The following MINK1 variants were observed in gnomAD, a reference collection of about 807,000 sequenced individuals.
The protein encoded by MINK1 is misshapen like kinase 1.
MINK1 carries 46 observed loss-of-function variants against 178.4 expected under a neutral mutation model. That is an observed-to-expected ratio of 0.26 (90% CI 0.20 to 0.33). The LOEUF is 0.33. Ranked by LOEUF, MINK1 falls within the 10% of genes least tolerant of loss-of-function variation. MINK1 has a pLI of 1.00. For missense variants in MINK1, 1,366 were observed against 1,814.9 expected (o/e 0.75, Z 4.49); for synonymous variants, 797 against 709.7 (o/e 1.12, Z -1.96).
In MINK1 at chr17:4,881,275, GCCCGCCTTCCCTC is replaced by G. The variant is rs747178537; in HGVS notation, c.306+24_306+36del. ...AGCTCTGGGTGAGAAACGCCCCCCT[GCCCGCCTTCCCTC>G]CCCGCAATCCCTGTCTCCGGGCTGT... On this transcript the variant is annotated intron_variant, in intron 4 of 31. Coordinates refer to ENST00000355280, the MANE Select transcript of MINK1 (RefSeq NM_153827.5). 5 of 1,535,734 alleles carry G rather than the reference GCCCGCCTTCCCTC, an allele frequency of 3.3e-6. No individual in the cohort carries two copies. The South Asian group carries it at 6.0e-5, about 18-fold the overall frequency.
At position 4,889,766 on chromosome 17, in the gene MINK1, A is replaced by G; in HGVS notation, c.1347+3A>G. 1 of 1,529,830 alleles carries G rather than the reference A, an allele frequency of 6.5e-7. No homozygotes were observed. The highest frequency in any genetic ancestry group is 8.8e-7 in the Non-Finnish European group (1 of 1,141,274). 94.8% of individuals were successfully genotyped at this position (1,529,830 alleles called of 1,614,324 possible). ...GGCGGCAGGCGGAGCGCGAGCAGGT[A>G]GAGCGCCGCACCCGCATCCCTGCCC... On this transcript the variant is annotated splice_donor_region_variant and intron_variant, in intron 13 of 31. Coordinates refer to ENST00000355280, the MANE Select transcript of MINK1 (RefSeq NM_153827.5).
chr17:4,894,058 C>G lies in MINK1; in HGVS notation c.2635C>G (p.Pro879Ala). ...HDVEEITGTQ[P>A]PYGGGTMVVQ... ...CGTCGAGGAGATCACCGGGACCCAG[C>G]CCCCATACGGGGGCGGCACCATGGT... Residue 879 changes from proline (P) to alanine (A), a missense_variant, in exon 22 of 32, where the codon CCC becomes GCC. Pro to Ala is a conservative substitution (Grantham distance 27). Coordinates refer to ENST00000355280, the MANE Select transcript of MINK1 (RefSeq NM_153827.5). This position sits in a 1 kb window ranked among gnomAD's most constrained non-coding sequence, Gnocchi z 4.1. 1 of 1,588,906 alleles carries G rather than the reference C, an allele frequency of 6.3e-7. No individual in the cohort carries two copies. The highest frequency in any genetic ancestry group is 1.1e-5 in the South Asian group (1 of 88,910).
intron 19 of MINK1, 28 bp downstream of exon 19, chr17:4,892,796 C>G: frequency 6.4e-7 from 1 of 1,570,274 alleles, no homozygotes; most frequent in South Asian, 1.2e-5. Context: ...GGGCAGCCTG[C>G]TCTGGGCCTG....
chr17:4,895,270 G>A lies in MINK1; in HGVS notation c.3085+28G>A, dbSNP rs201250471. The A allele has an allele frequency of 1.4e-4, 232 of 1,612,788 alleles. No homozygotes were observed. Among genetic ancestry groups the A allele is most frequent in the Non-Finnish European group, 1.8e-4 (215 of 1,179,080 alleles). ...AAGCCAGGGCAGGGACAGCTGAGGAGGCTCTGGCGTGGCTCTTGTGCTCCT... is the reference window on the plus strand; with the variant it reads ...AAGCCAGGGCAGGGACAGCTGAGGAAGCTCTGGCGTGGCTCTTGTGCTCCT... On this transcript the variant is annotated intron_variant, in intron 25 of 31. Transcript: ENST00000355280. The surrounding 1 kb of genome is among the most constrained non-coding windows in gnomAD (Gnocchi z 4.3).
chr17:4,888,710 T>C (rs550925184), intron 12 of MINK1, among the ~76,000 whole-genome samples: 4,942 of 103,870 alleles, frequency 0.048, 309 homozygotes, highest in African/African-American at 0.16. Context: ...TTTTTTTTTT[T>C]GAGATGGAGT....
chr17:4,858,867 A>G (rs540786829), intron 1 of MINK1, among the ~76,000 whole-genome samples: 6 of 152,316 alleles, frequency 3.9e-5, no homozygotes, highest in Admixed American at 6.5e-5. Context: ...TTTTGGAAGT[A>G]CAAGGAGCTA....
chr17:4,874,052 C>G (rs1432640237), intron 1 of MINK1, among the ~76,000 whole-genome samples: 2 of 152,210 alleles, frequency 1.3e-5, no homozygotes, highest in Non-Finnish European at 2.9e-5. Context: ...CATGCTCTTT[C>G]CACCACACCA....
rs1384973377 is a variant in MINK1 at position 4,884,346 on chromosome 17, C to T, written c.307-17C>T. ...CTGACTGATACTTTTCCTTTCGGTA[C>T]CTTCCTGGGATCCTAGCTGGTGATG... On this transcript the variant is annotated splice_polypyrimidine_tract_variant and intron_variant, in intron 4 of 31. Transcript: ENST00000355280. 1 of 1,607,992 alleles carries T rather than the reference C, an allele frequency of 6.2e-7. No homozygotes were observed. The highest frequency in any genetic ancestry group is 1.7e-5 in the Admixed American group (1 of 59,960).
intron 4 of MINK1, among the ~76,000 whole-genome samples, chr17:4,884,114 G>A (rs1218291790): frequency 1.3e-5 from 2 of 148,170 alleles, no homozygotes; most frequent in Admixed American, 6.8e-5. Flanking sequence ...TGATCCGCCT[G>A]CCTCAGCCTC....
intron 1 of MINK1, among the ~76,000 whole-genome samples, chr17:4,866,597 C>A (rs1412143907): frequency 7.2e-6 from 1 of 137,982 alleles, no homozygotes; most frequent in African/African-American, 2.7e-5. Context: ...CATAGTGAGA[C>A]CCTGATTCTA....
At position 4,836,167 on chromosome 17, in the gene MINK1, C is replaced by T. The variant is rs574870350; in HGVS notation, c.57+2527C>T. Among the ~76,000 whole-genome samples, 2 of 152,164 alleles carry T rather than the reference C, an allele frequency of 1.3e-5. No homozygotes were observed. The highest frequency in any genetic ancestry group is 2.9e-5 in the Non-Finnish European group (2 of 68,036). ...CAGTGAGAAATGGTGTCTCCCTTTA[C>T]TACACCATCTTGTGTTGGGGGCTGG... On this transcript the variant is annotated intron_variant, in intron 1 of 31. Transcript: ENST00000355280. The surrounding 1 kb of genome is among the most constrained non-coding windows in gnomAD (Gnocchi z 4.3).
At position 4,887,497 on chromosome 17, in the gene MINK1, C is replaced by A; in HGVS notation, c.1020-83C>A. On this transcript the variant is annotated intron_variant, in intron 11 of 31. Transcript: ENST00000355280. The surrounding 1 kb of genome is among the most constrained non-coding windows in gnomAD (Gnocchi z 7.6). ...CAGAGGCTTTGATCCAGTTAAAGCACCCACTCAGGCGGGCCCACGGGGTTG... is the reference window on the plus strand; with the variant it reads ...CAGAGGCTTTGATCCAGTTAAAGCAACCACTCAGGCGGGCCCACGGGGTTG... 7.7e-7 allele frequency: 1 copy of A among 1,290,956 alleles called. No homozygotes were observed. Among genetic ancestry groups the A allele is most frequent in the Non-Finnish European group, 1.0e-6 (1 of 957,138 alleles). 80.0% of individuals were successfully genotyped at this position (1,290,956 alleles called of 1,614,324 possible). A position where few individuals can be genotyped will look rare whatever the true frequency, so the allele number is the denominator to read the frequency against.
chr17:4,891,477 C>A lies in MINK1; in HGVS notation c.1762C>A (p.Pro588Thr). The change falls in exon 16 of 32, where the codon CCA (proline) becomes ACA (threonine). Residue 588 changes from proline to threonine, a missense_variant. Physicochemically the swap from Pro to Thr is conservative, Grantham distance 38 (BLOSUM62 -1). Transcript: ENST00000355280. ...PHKSLVAHRV[P>T]LKPYAAPVPR... The stretch of plus-strand genomic sequence containing the variant: ...GCAGAGCCTGGTGGCACACCGGGTC[C>A]CACTGAAGCCATATGCAGCACCTGT... 1.9e-6 allele frequency: 3 copies of A among 1,589,988 alleles called. No homozygotes were observed. Among genetic ancestry groups the A allele is most frequent in the Non-Finnish European group, 2.6e-6 (3 of 1,163,738 alleles).
chr17:4,889,682 G>A lies in MINK1; in HGVS notation c.1266G>A (p.Gln422=). 6.4e-7 allele frequency: 1 copy of A among 1,563,636 alleles called. No individual in the cohort carries two copies. Among genetic ancestry groups the A allele is most frequent in the Non-Finnish European group, 8.6e-7 (1 of 1,156,072 alleles). Residue 422 remains glutamine, a synonymous_variant, in exon 13 of 32, where the codon CAG becomes CAA. Transcript: ENST00000355280. ...GGGAGCGGGAGCAGCGGAAGCTGCA[G>A]GAGAAGGAGCAGCAGCGGCGGCTGG... The part of the protein sequence containing the change: ...QRREREQRKL[Q]EKEQQRRLED...
chr17:4,889,726 G>A lies in MINK1; in HGVS notation c.1310G>A (p.Arg437Gln), dbSNP rs1968578879. 11 of 1,549,820 alleles carry A rather than the reference G, an allele frequency of 7.1e-6. No homozygotes were observed. The highest frequency in any genetic ancestry group is 1.2e-5 in the South Asian group (1 of 84,476). ...CGGCTGGAGGACATGCAGGCTCTGCGGCGGGAGGAGGAGCGGCGGCAGGCG... is the reference window on the plus strand; with the variant it reads ...CGGCTGGAGGACATGCAGGCTCTGCAGCGGGAGGAGGAGCGGCGGCAGGCG... ...QRRLEDMQAL[R>Q]REEERRQAER... Residue 437 changes from arginine (R) to glutamine (Q), a missense_variant, in exon 13 of 32, where the codon CGG becomes CAG. Arg to Gln is a conservative substitution (Grantham distance 43). Coordinates refer to ENST00000355280, the MANE Select transcript of MINK1 (RefSeq NM_153827.5).
At chr17:4,841,314 A>G (rs970086870) in intron 1 of MINK1, among the ~76,000 whole-genome samples, 1 of 152,090 alleles carries the variant, frequency 6.6e-6, no homozygotes, top group African/African-American at 2.4e-5. Context: ...AGAATGGGAA[A>G]TTTCTCACAC....
In MINK1 at chr17:4,895,122, G is replaced by A. The variant is rs200254448; in HGVS notation, c.2965G>A (p.Val989Met). 3.4e-5 allele frequency: 55 copies of A among 1,613,816 alleles called. No homozygotes were observed. The highest frequency in any genetic ancestry group is 5.0e-5 in the Admixed American group (3 of 60,012). The change falls in exon 25 of 32, where the codon GTG becomes ATG. Residue 989 changes from valine to methionine, a missense_variant. Transcript: ENST00000355280. This position sits in a 1 kb window ranked among gnomAD's most constrained non-coding sequence, Gnocchi z 4.3. ...TCGGCTCGACCAGCTGCAGTACGAC[G>A]TGAGGAAGGGTTCTGTGGTCAACGT... ...GTRLDQLQYD[V>M]RKGSVVNVNP...
At position 4,897,442 on chromosome 17, in the gene MINK1, C is replaced by T. The variant is rs1969669014; in HGVS notation, c.*155C>T. 1 of 632,642 alleles carries T rather than the reference C, an allele frequency of 1.6e-6. No homozygotes were observed. Among genetic ancestry groups the T allele is most frequent in the Non-Finnish European group, 2.8e-6 (1 of 363,320 alleles). The allele number at this position is 632,642 out of a possible 1,614,324, so 39.2% of individuals were successfully genotyped here. ...GGAACGTGACCTCTGACCCCTGATG[C>T]TTTCGTGATCACGTGACCATCCTCT... On this transcript the variant is annotated 3_prime_UTR_variant, in exon 32 of 32. Coordinates refer to ENST00000355280, the MANE Select transcript of MINK1 (RefSeq NM_153827.5).
chr17:4,885,323 G>T lies in MINK1; in HGVS notation c.509-160G>T, dbSNP rs1968102672. Among the ~76,000 whole-genome samples, 1 of 152,192 alleles carries T rather than the reference G, an allele frequency of 6.6e-6. No individual in the cohort carries two copies. The highest frequency in any genetic ancestry group is 6.5e-5 in the Admixed American group (1 of 15,286). On this transcript the variant is annotated intron_variant, in intron 6 of 31. Coordinates refer to ENST00000355280, the MANE Select transcript of MINK1 (RefSeq NM_153827.5). The surrounding 1 kb of genome is among the most constrained non-coding windows in gnomAD (Gnocchi z 5.0). ...CTAAGATGCTGGAAGATGGAATCGGGTTCTTCAGGATGGTGGTGGGGTAAA... is the reference window on the plus strand; with the variant it reads ...CTAAGATGCTGGAAGATGGAATCGGTTTCTTCAGGATGGTGGTGGGGTAAA...
Sources: gnomAD v4.1 joint callset for allele counts (sites outside exome capture counted in the v4.1 genomes callset) on GRCh38, gnomAD v4.1.1 for gene constraint, Gnocchi (gnomAD v3.1) non-coding constraint, MANE v1.5 for transcripts, NCBI Gene and HGNC (gene_info 2026-07-23, HGNC 2026-07-21) for gene names.